The following SYNE1 variants were observed in gnomAD, a reference collection of about 807,000 sequenced individuals.
The protein encoded by SYNE1 is nesprin-1.
A neutral mutation model predicts 1,111.0 loss-of-function variants in SYNE1; 616 were observed. The ratio of observed to expected loss-of-function variants is 0.55; its 90% CI spans 0.52 to 0.59. The LOEUF (loss-of-function observed/expected upper bound fraction) is 0.59, where lower values mean the gene tolerates loss of function less well. SYNE1 is among the 20% of genes least tolerant of loss of function. The probability of loss-of-function intolerance (pLI) is 0.00; values close to 1 mark genes in which losing one functional copy is unlikely to be tolerated. For missense variants in SYNE1, 10,006 were observed against 10,417.0 expected (o/e 0.96, Z 1.72); for synonymous variants, 3,855 against 3,825.8 (o/e 1.01, Z -0.28).
At chr6:152,348,619 A>G (rs1339761551) in intron 72 of SYNE1, among the ~76,000 whole-genome samples, 1 of 152,126 alleles carries the variant, frequency 6.6e-6, no homozygotes, top group Non-Finnish European at 1.5e-5. Flanking sequence ...CAGGAGGCAG[A>G]GGTTACAGTG....
At chr6:152,156,134 C>T in intron 131 of SYNE1, 37 bp from the exon 132 acceptor site, 1 of 1,611,852 alleles carries the variant, frequency 6.2e-7, no homozygotes. Context: ...TCAACAATTA[C>T]ATGTATACAG....
chr6:152,545,690 C>T (rs1344171295), intron 3 of SYNE1, among the ~76,000 whole-genome samples: 1 of 151,832 alleles, frequency 6.6e-6, no homozygotes, highest in Non-Finnish European at 1.5e-5. Flanking sequence ...TAAATAGTAC[C>T]ATGCATTGAT....
intron 96 of SYNE1, among the ~76,000 whole-genome samples, chr6:152,283,663 A>C (rs1454856688): frequency 6.6e-6 from 1 of 152,080 alleles, no homozygotes; most frequent in East Asian, 1.9e-4. Context: ...CAGCCTCCCA[A>C]GTAGCTGGGA....
rs1205715307 is a variant in SYNE1, at chr6:152,419,568, C to T, written c.5421+1G>A. On this transcript the variant is annotated splice_donor_variant, in intron 40 of 145. Coordinates refer to ENST00000367255, the MANE Select transcript of SYNE1 (RefSeq NM_182961.4). LOFTEE classifies it high-confidence loss of function. ...TCTTAAAAAAAAAAAAACCACTTTA[C>T]CTTATGCCGAGTAAGGGCTACTTGA... is the stretch of plus-strand genomic sequence containing the variant. 2 of 1,610,258 alleles carry T rather than the reference C, an allele frequency of 1.2e-6. No individual in the cohort carries two copies. Among genetic ancestry groups the T allele is most frequent in the East Asian group, 2.2e-5 (1 of 44,714 alleles).
chr6:152,127,247 CA>C (rs1055284531), intron 145 of SYNE1: 7 of 152,168 alleles, frequency 4.6e-5, no homozygotes, highest in Non-Finnish European at 1.0e-4. Flanking sequence ...GGTCTGGAGT[CA>C]GGGGAGACCT....
At chr6:152,527,840 TA>T (rs1204268755) in intron 4 of SYNE1, among the ~76,000 whole-genome samples, 1 of 152,232 alleles carries the variant, frequency 6.6e-6, no homozygotes. Flanking sequence ...ATTTTAAAAA[TA>T]CACAGGTGTC....
chr6:152,231,671 A>G, intron 113 of SYNE1, 104 bp from the exon 114 acceptor site: 1 of 1,232,212 alleles, frequency 8.1e-7, no homozygotes, highest in Non-Finnish European at 1.1e-6. Flanking sequence ...TATCACTTCC[A>G]TAACTCAGCT....
chr6:152,412,851 A>ATTT (rs373723820), intron 42 of SYNE1, among the ~76,000 whole-genome samples: 76 of 131,674 alleles, frequency 5.8e-4, no homozygotes, highest in African/African-American at 1.8e-3. Context: ...TTCACATGTA[A>ATTT]TTTTTTTTTT....
Position 152,257,940 on chromosome 6 carries a change from T to C in SYNE1, c.18973-1175A>G, listed in dbSNP as rs369844456. Reference sequence around the variant, plus strand: ...ACATTGTGTTACAGGAAAAATATGATAGCAGAACACTCAACATCAAACATA... The same window carrying C: ...ACATTGTGTTACAGGAAAAATATGACAGCAGAACACTCAACATCAAACATA... On this transcript the variant is annotated intron_variant, in intron 101 of 145. Coordinates refer to ENST00000367255, the MANE Select transcript of SYNE1 (RefSeq NM_182961.4). 1.1e-3 allele frequency among the ~76,000 whole-genome samples: 175 copies of C among 152,256 alleles called. 4 individuals carry two copies. The South Asian group carries it at 0.023, about 20-fold the overall frequency.
Position 152,186,690 on chromosome 6 carries a change from A to T in SYNE1, c.23301+2562T>A, listed in dbSNP as rs2070203002. 2.6e-5 allele frequency among the ~76,000 whole-genome samples: 4 copies of T among 151,928 alleles called. No individual in the cohort carries two copies. In the South Asian group the frequency reaches 8.3e-4, roughly 32 times the overall value. ...GGAGGGAAGTTCATGGCATGTTTGA[A>T]GCAAACAGGATCCAATCTCTAAAAT... On this transcript the variant is annotated intron_variant, in intron 128 of 145. Coordinates refer to ENST00000367255, the MANE Select transcript of SYNE1 (RefSeq NM_182961.4).
chr6:152,169,209 A>C (rs976423020), intron 130 of SYNE1, among the ~76,000 whole-genome samples: 1 of 152,186 alleles, frequency 6.6e-6, no homozygotes, highest in Non-Finnish European at 1.5e-5. Flanking sequence ...AAAACAAAGC[A>C]TCTGGTTCTG....
intron 3 of SYNE1, among the ~76,000 whole-genome samples, chr6:152,610,389 A>C (rs1365548250): frequency 6.6e-6 from 1 of 152,218 alleles, no homozygotes; most frequent in Non-Finnish European, 1.5e-5. Context: ...TGGAAGAAAG[A>C]GTATCAGTAA....
Position 152,310,247 on chromosome 6 carries a change from G to T in SYNE1, c.17019+149C>A. 1.1e-5 allele frequency: 14 copies of T among 1,267,264 alleles called. No homozygotes were observed. In the South Asian group the frequency reaches 1.4e-4, roughly 12 times the overall value. The allele number at this position is 1,267,264 out of a possible 1,614,324, so 78.5% of individuals were successfully genotyped here. A position where few individuals can be genotyped will look rare whatever the true frequency, so the allele number is the denominator to read the frequency against. ...ACATGAGTTCAGGAGTTCGAGACCA[G>T]CCTGGCCAACATAGGGATACCCTGT... is the stretch of plus-strand genomic sequence containing the variant. On this transcript the variant is annotated intron_variant, in intron 89 of 145. Coordinates refer to ENST00000367255, the MANE Select transcript of SYNE1 (RefSeq NM_182961.4).
In SYNE1 at chr6:152,372,489, A is replaced by G. The variant is rs62426390; in HGVS notation, c.9507+548T>C. Among the ~76,000 whole-genome samples, 987 of 152,328 alleles carry G rather than the reference A, an allele frequency of 6.5e-3. 9 individuals carry two copies. Among genetic ancestry groups the G allele is most frequent in the Non-Finnish European group, 8.9e-3 (603 of 68,034 alleles). On this transcript the variant is annotated intron_variant, in intron 59 of 145. Transcript: ENST00000367255. ...AAAGAAGAGTCGATACATAAAATAGATAGTCTCAGACGGAAAAAAAATAAT... is the reference window on the plus strand; with the variant it reads ...AAAGAAGAGTCGATACATAAAATAGGTAGTCTCAGACGGAAAAAAAATAAT...
At chr6:152,509,141 C>G (rs946687952) in intron 8 of SYNE1, among the ~76,000 whole-genome samples, 1 of 152,108 alleles carries the variant, frequency 6.6e-6, no homozygotes, top group East Asian at 1.9e-4. Flanking sequence ...AAGGACTTAC[C>G]CCTGATCACA....
chr6:152,344,313 A>G, intron 73 of SYNE1, 86 bp from the exon 74 acceptor site: 2 of 1,561,396 alleles, frequency 1.3e-6, no homozygotes, highest in Non-Finnish European at 1.7e-6. Flanking sequence ...CATGACCAGT[A>G]CATCTAAATG....
chr6:152,417,669 A>G (rs1302152546), intron 40 of SYNE1, among the ~76,000 whole-genome samples: 1 of 152,190 alleles, frequency 6.6e-6, no homozygotes, highest in African/African-American at 2.4e-5. Context: ...AACATTTTAA[A>G]GATGCATATA....
chr6:152,236,575 A>G (rs1268474661), intron 109 of SYNE1, among the ~76,000 whole-genome samples: 1 of 152,166 alleles, frequency 6.6e-6, no homozygotes, highest in Non-Finnish European at 1.5e-5. Flanking sequence ...GCATCAGCAT[A>G]AACTACAGAA....
chr6:152,362,268 A>C lies in SYNE1; in HGVS notation c.10201T>G (p.Phe3401Val). ...TCCATACTATCCATCCAACCGGAGA[A>C]CTGTCGAACGCCATCCTGATAACTT... ...WTSYQDGVRQ[F>V]SGWMDSMEAN... The change falls in exon 64 of 146, where the codon TTC becomes GTC. Residue 3401 changes from phenylalanine (F) to valine (V), a missense_variant. By Grantham distance (50) the Phe-to-Val change is conservative. Transcript: ENST00000367255. 1 of 1,614,210 alleles carries C rather than the reference A, an allele frequency of 6.2e-7. No individual in the cohort carries two copies. Among genetic ancestry groups the C allele is most frequent in the Non-Finnish European group, 8.5e-7 (1 of 1,180,036 alleles).
Sources: gnomAD v4.1 joint callset for allele counts (sites outside exome capture counted in the v4.1 genomes callset) on GRCh38, gnomAD v4.1.1 for gene constraint, MANE v1.5 for transcripts, NCBI Gene and HGNC (gene_info 2026-07-23, HGNC 2026-07-21) for gene names.